The following LRRTM4 variants were observed in gnomAD, a reference collection of about 807,000 sequenced individuals.
LRRTM4 encodes the protein leucine rich repeat transmembrane neuronal 4.
LRRTM4 carries 25 observed loss-of-function variants against 47.6 expected under a neutral mutation model. That is an observed-to-expected ratio of 0.53 (90% CI 0.38 to 0.73). The LOEUF is 0.73. Among genes scored for constraint, LRRTM4 ranks in the 30% least tolerant of loss-of-function variants. The pLI, the probability that LRRTM4 is intolerant of heterozygous loss-of-function variation, is 0.00. For synonymous variants in LRRTM4, 311 were observed against 269.5 expected (o/e 1.15, Z -1.51); for missense variants, 638 against 713.4 (o/e 0.89, Z 1.20).
chr2:77,414,118 T>C (rs1266750415), intron 3 of LRRTM4, among the ~76,000 whole-genome samples: 3 of 152,216 alleles, frequency 2.0e-5, no homozygotes, highest in Non-Finnish European at 4.4e-5. Flanking sequence ...AGGTTTCCTT[T>C]TATCCTTCTG....
At chr2:76,859,617 A>G (rs1486116487) in intron 3 of LRRTM4, among the ~76,000 whole-genome samples, 1 of 152,154 alleles carries the variant, frequency 6.6e-6, no homozygotes, top group Admixed American at 6.6e-5. Context: ...ATATATAGAT[A>G]ATAAAAAGTT....
At chr2:77,415,296 C>A (rs1373030473) in intron 3 of LRRTM4, among the ~76,000 whole-genome samples, 1 of 152,104 alleles carries the variant, frequency 6.6e-6, no homozygotes, top group Non-Finnish European at 1.5e-5. Context: ...TACATTTCTT[C>A]ATGCTAATAA....
chr2:77,282,452 T>C (rs989322597), intron 3 of LRRTM4, among the ~76,000 whole-genome samples: 26 of 151,620 alleles, frequency 1.7e-4, no homozygotes, highest in Non-Finnish European at 8.9e-5. Flanking sequence ...TTCTTTTCCC[T>C]GATTGCTCTG....
intron 3 of LRRTM4, among the ~76,000 whole-genome samples, chr2:77,054,598 C>G (rs76490731): frequency 0.023 from 3,510 of 152,226 alleles, 153 homozygotes; most frequent in African/African-American, 0.08. Context: ...AATTCCCAAA[C>G]TAGATTATTT....
At chr2:77,194,468 A>C (rs1306419667) in intron 3 of LRRTM4, among the ~76,000 whole-genome samples, 2 of 152,168 alleles carry the variant, frequency 1.3e-5, no homozygotes, top group Non-Finnish European at 2.9e-5. Flanking sequence ...TGAACATCTC[A>C]ACTTGTAAAG....
intron 3 of LRRTM4, among the ~76,000 whole-genome samples, chr2:76,971,292 GCC>G (rs66479420): frequency 0.23 from 34,273 of 151,822 alleles, 4,577 homozygotes; most frequent in African/African-American, 0.37. Flanking sequence ...ATGTGTTGGA[GCC>G]CTAGGATATG....
intron 3 of LRRTM4, among the ~76,000 whole-genome samples, chr2:77,307,519 T>C (rs1371982736): frequency 1.4e-5 from 2 of 142,206 alleles, no homozygotes; most frequent in Non-Finnish European, 1.5e-5. Context: ...ACACTACATA[T>C]AGATATATAA....
chr2:76,763,695 G>T (rs1225260832), intron 3 of LRRTM4, among the ~76,000 whole-genome samples: 1 of 152,138 alleles, frequency 6.6e-6, no homozygotes, highest in Non-Finnish European at 1.5e-5. Flanking sequence ...CTGGGTCATG[G>T]GTAGAGGCCA....
chr2:76,991,252 AAATT>A (rs1436125486), intron 3 of LRRTM4, among the ~76,000 whole-genome samples: 1 of 151,700 alleles, frequency 6.6e-6, no homozygotes. Flanking sequence ...AAGCAAGAAT[AAATT>A]AACCCCAAAG....
Position 76,918,428 on chromosome 2 carries a change from C to A in LRRTM4, c.1552-169512G>T, listed in dbSNP as rs529885815. Among the ~76,000 whole-genome samples, 15 of 152,190 alleles carry A rather than the reference C, an allele frequency of 9.9e-5. 1 individual carries two copies. The South Asian group carries it at 2.9e-3, about 29-fold the overall frequency. Reference sequence around the variant, plus strand: ...GCTGTGTATCCACTTGGATTAAATTCTTTGACAAAATGCAGAATTTCACCA... The same window carrying A: ...GCTGTGTATCCACTTGGATTAAATTATTTGACAAAATGCAGAATTTCACCA... On this transcript the variant is annotated intron_variant, in intron 3 of 3. Transcript: ENST00000409884.
intron 3 of LRRTM4, among the ~76,000 whole-genome samples, chr2:77,221,009 G>C (rs1674610811): frequency 6.6e-6 from 1 of 152,152 alleles, no homozygotes; most frequent in Non-Finnish European, 1.5e-5. Flanking sequence ...CTGATCTCTT[G>C]GCAGAAATTC....
chr2:77,514,046 GCA>G (rs1558778101), intron 3 of LRRTM4, among the ~76,000 whole-genome samples: 1 of 151,282 alleles, frequency 6.6e-6, no homozygotes, highest in African/African-American at 2.4e-5. Flanking sequence ...GTCTTTATAT[GCA>G]CACACACAAA....
chr2:77,314,149 G>T (rs115806563), intron 3 of LRRTM4, among the ~76,000 whole-genome samples: 1 of 152,104 alleles, frequency 6.6e-6, no homozygotes, highest in African/African-American at 2.4e-5. Flanking sequence ...CATATTCAAA[G>T]CTTCTAAGAG....
intron 3 of LRRTM4, among the ~76,000 whole-genome samples, chr2:77,092,181 C>G (rs1371070165): frequency 6.6e-6 from 1 of 152,188 alleles, no homozygotes; most frequent in East Asian, 1.9e-4. Flanking sequence ...TGTACTCACT[C>G]TTTGTTAAGT....
At chr2:77,250,333 A>G (rs1675569161) in intron 3 of LRRTM4, among the ~76,000 whole-genome samples, 1 of 152,194 alleles carries the variant, frequency 6.6e-6, no homozygotes, top group Non-Finnish European at 1.5e-5. Context: ...GAATTTCAAT[A>G]TACATTTGTC....
chr2:77,362,153 GAAA>G (rs1573312077), intron 3 of LRRTM4, among the ~76,000 whole-genome samples: 3 of 151,278 alleles, frequency 2.0e-5, no homozygotes, highest in East Asian at 3.9e-4. Context: ...AAGAAAGAAA[GAAA>G]GAAAGAAAGA....
intron 3 of LRRTM4, among the ~76,000 whole-genome samples, chr2:77,342,750 C>T (rs73941222): frequency 1.3e-5 from 2 of 151,760 alleles, no homozygotes; most frequent in East Asian, 3.9e-4. Flanking sequence ...CCTCTATACC[C>T]AGGAAATGTA....
intron 3 of LRRTM4, among the ~76,000 whole-genome samples, chr2:76,854,199 A>G (rs1160697367): frequency 6.6e-6 from 1 of 152,142 alleles, no homozygotes; most frequent in Admixed American, 6.6e-5. Flanking sequence ...CCACTGTTAG[A>G]AATTTACTTT....
intron 3 of LRRTM4, among the ~76,000 whole-genome samples, chr2:76,773,949 A>G (rs1416355463): frequency 6.6e-6 from 1 of 152,044 alleles, no homozygotes; most frequent in Non-Finnish European, 1.5e-5. Context: ...TTCAATTGAG[A>G]TAATTATAGC....
Sources: allele counts gnomAD v4.1 joint callset (sites outside exome capture counted in the v4.1 genomes callset), GRCh38; gene constraint gnomAD v4.1.1; transcripts MANE v1.5; gene names NCBI Gene and HGNC (gene_info 2026-07-23, HGNC 2026-07-21).